EXT1: variants seen among roughly 807,000 people sequenced by gnomAD.
EXT1 encodes exostosin glycosyltransferase 1, also known as exostosin-1.
EXT1 carries 20 observed loss-of-function variants against 82.5 expected under a neutral mutation model. The observed-to-expected ratio is 0.24, with a 90% CI of 0.17 to 0.35. The LOEUF (loss-of-function observed/expected upper bound fraction) is 0.35. Ranked by LOEUF, EXT1 falls within the 10% of genes least tolerant of loss-of-function variation. EXT1 has a pLI of 1.00. For synonymous variants in EXT1, 348 were observed against 350.8 expected (o/e 0.99, Z 0.09); for missense variants, 757 against 936.5 (o/e 0.81, Z 2.50).
intron 1 of EXT1, among the ~76,000 whole-genome samples, chr8:118,108,192 T>G (rs1817832918): frequency 2.0e-5 from 3 of 152,236 alleles, no homozygotes; most frequent in Non-Finnish European, 4.4e-5. Flanking sequence ...ATATTTATTT[T>G]GGGAATAAAA....
At chr8:117,919,641 A>T (rs1156302813) in intron 1 of EXT1, among the ~76,000 whole-genome samples, 11 of 151,870 alleles carry the variant, frequency 7.2e-5, no homozygotes, top group Admixed American at 7.2e-4. Flanking sequence ...AGTAGCTAGG[A>T]CCACAGGCAC....
intron 1 of EXT1, among the ~76,000 whole-genome samples, chr8:117,977,129 A>G (rs940696015): frequency 2.0e-5 from 3 of 152,072 alleles, no homozygotes; most frequent in Non-Finnish European, 4.4e-5. Context: ...GCTTGCACCT[A>G]TAATCCCAGC....
At chr8:118,085,915 G>A (rs1296735554) in intron 1 of EXT1, among the ~76,000 whole-genome samples, 1 of 152,140 alleles carries the variant, frequency 6.6e-6, no homozygotes, top group Non-Finnish European at 1.5e-5. Context: ...TCCCTTAGAT[G>A]AATCTGACTT....
chr8:117,850,876 C>T (rs1026020940), intron 1 of EXT1, among the ~76,000 whole-genome samples: 2 of 152,132 alleles, frequency 1.3e-5, no homozygotes, highest in African/African-American at 4.8e-5. Context: ...AAGGGTAGAC[C>T]ATTGGTGTGT....
At chr8:117,819,443 G>T (rs1811884134) in intron 6 of EXT1, among the ~76,000 whole-genome samples, 1 of 152,138 alleles carries the variant, frequency 6.6e-6, no homozygotes, top group Non-Finnish European at 1.5e-5. Flanking sequence ...CTCTATACCA[G>T]TGCTAAGGTC....
chr8:118,072,782 G>A (rs1387167296), intron 1 of EXT1, among the ~76,000 whole-genome samples: 1 of 152,136 alleles, frequency 6.6e-6, no homozygotes, highest in Non-Finnish European at 1.5e-5. Context: ...TTTTAGCTAG[G>A]CATTTAACAA....
chr8:117,861,284 T>C (rs1481827942), intron 1 of EXT1, among the ~76,000 whole-genome samples: 3 of 152,206 alleles, frequency 2.0e-5, no homozygotes, highest in African/African-American at 7.2e-5. Flanking sequence ...ACACAAGGCA[T>C]TCAGACATAG....
chr8:118,043,272 T>G (rs1321655861), intron 1 of EXT1, among the ~76,000 whole-genome samples: 1 of 152,240 alleles, frequency 6.6e-6, no homozygotes, highest in Non-Finnish European at 1.5e-5. Context: ...AGTTCTACCC[T>G]GTATGCCACT....
Position 118,110,780 on chromosome 8 carries a change from G to A in EXT1, c.267C>T (p.Asn89=), listed in dbSNP as rs773658641. Residue 89 remains asparagine, a synonymous_variant, in exon 1 of 11, where the codon AAC becomes AAT. Coordinates refer to ENST00000378204, the MANE Select transcript of EXT1 (RefSeq NM_000127.3). ...ACTTCTTGCCTTTGTAGATGCTGGAGTTGGCATCTCGCTTCTGCCGGGGGG... is the reference window on the plus strand; with the variant it reads ...ACTTCTTGCCTTTGTAGATGCTGGAATTGGCATCTCGCTTCTGCCGGGGGG... The part of the protein sequence containing the change: ...HISPRQKRDA[N]SSIYKGKKCR... 4 of 1,613,932 alleles carry A rather than the reference G, an allele frequency of 2.5e-6. No individual in the cohort carries two copies. The highest frequency in any genetic ancestry group is 3.4e-6 in the Non-Finnish European group (4 of 1,179,824).
intron 1 of EXT1, among the ~76,000 whole-genome samples, chr8:117,955,681 G>A (rs1190132933): frequency 2.6e-5 from 4 of 152,100 alleles, no homozygotes; most frequent in Non-Finnish European, 5.9e-5. Context: ...TCAACCTCCC[G>A]AGTAGCTGGG....
intron 1 of EXT1, among the ~76,000 whole-genome samples, chr8:117,924,853 CA>C (rs1443832933): frequency 2.6e-5 from 4 of 152,130 alleles, no homozygotes; most frequent in Non-Finnish European, 5.9e-5. Flanking sequence ...TGTATATAGG[CA>C]AATGCCTCTT....
intron 1 of EXT1, among the ~76,000 whole-genome samples, chr8:117,898,833 A>G (rs1813391120): frequency 6.6e-6 from 1 of 152,214 alleles, no homozygotes; most frequent in African/African-American, 2.4e-5. Context: ...GAAAAAAAAA[A>G]AAATGAATGA....
chr8:118,088,493 TA>T (rs555973998), intron 1 of EXT1, among the ~76,000 whole-genome samples: 1,325 of 130,042 alleles, frequency 0.01, 8 homozygotes, highest in African/African-American at 0.029. Flanking sequence ...TAGTAATGCT[TA>T]AAAAAAAAAA....
intron 10 of EXT1, among the ~76,000 whole-genome samples, chr8:117,800,302 T>C (rs1823147127): frequency 1.3e-5 from 2 of 152,246 alleles, no homozygotes; most frequent in African/African-American, 4.8e-5. Context: ...TTCCTGTTTA[T>C]GTAGTTGATT....
At chr8:118,033,185 G>T (rs1455840757) in intron 1 of EXT1, among the ~76,000 whole-genome samples, 2 of 152,178 alleles carry the variant, frequency 1.3e-5, no homozygotes, top group South Asian at 4.1e-4. Context: ...TGAGACCCCT[G>T]CTTTCAGAAG....
intron 1 of EXT1, among the ~76,000 whole-genome samples, chr8:117,847,536 A>T (rs939542126): frequency 2.0e-5 from 3 of 152,192 alleles, no homozygotes; most frequent in Non-Finnish European, 4.4e-5. Context: ...AGTGCGGTTC[A>T]AACTGAACCT....
chr8:117,942,302 C>T (rs183652192), intron 1 of EXT1, among the ~76,000 whole-genome samples: 95 of 152,288 alleles, frequency 6.2e-4, no homozygotes, highest in Middle Eastern at 6.8e-3. Flanking sequence ...TTTATCATCA[C>T]TCCTCTGGGT....
intron 1 of EXT1, among the ~76,000 whole-genome samples, chr8:117,921,042 T>G (rs1421658720): frequency 1.3e-5 from 2 of 152,234 alleles, no homozygotes; most frequent in Non-Finnish European, 2.9e-5. Context: ...TCCTTTAATG[T>G]TTTGCATCGA....
At chr8:117,855,851 G>C (rs1812537291) in intron 1 of EXT1, among the ~76,000 whole-genome samples, 1 of 152,040 alleles carries the variant, frequency 6.6e-6, no homozygotes, top group African/African-American at 2.4e-5. Flanking sequence ...TGTATTTTTA[G>C]TAGAGACAGG....
Sources: allele counts gnomAD v4.1 joint callset (sites outside exome capture counted in the v4.1 genomes callset), GRCh38; gene constraint gnomAD v4.1.1; transcripts MANE v1.5; gene names NCBI Gene and HGNC (gene_info 2026-07-23, HGNC 2026-07-21).